The following SDC4 variants were observed in gnomAD, a reference collection of about 807,000 sequenced individuals.
SDC4 encodes the protein syndecan-4.
Under a neutral mutation model 20.5 loss-of-function variants are expected in SDC4, and 17 were observed. That is an observed-to-expected ratio of 0.83 (90% confidence interval 0.57 to 1.25). SDC4 has a LOEUF of 1.25. Ranked by LOEUF, SDC4 falls within the 50% of genes most tolerant of loss-of-function variation. The pLI is 0.00. For missense variants in SDC4, 241 were observed against 252.3 expected, an observed-to-expected ratio of 0.96 and a Z score of 0.30; for synonymous variants, 107 against 105.3, an observed-to-expected ratio of 1.02 and a Z score of -0.10.
intron 4 of SDC4, among the ~76,000 whole-genome samples, chr20:45,329,279 T>C (rs1481010721): frequency 6.6e-6 from 1 of 152,244 alleles, no homozygotes; most frequent in Non-Finnish European, 1.5e-5. Flanking sequence ...TTTCTTACTA[T>C]GTGGCCTAAA....
At chr20:45,345,662 C>T (rs916915696) in intron 1 of SDC4, 1 of 152,212 alleles carries the variant, frequency 6.6e-6, no homozygotes, top group Non-Finnish European at 1.5e-5. Context: ...GGACACTTCC[C>T]CACAACCGCC....
intron 3 of SDC4, 114 bp from the exon 4 acceptor site, chr20:45,330,678 C>A: frequency 1.1e-6 from 1 of 885,116 alleles, no homozygotes; most frequent in East Asian, 2.6e-5. Context: ...TCAGCTGAAC[C>A]ATATGGTCCT....
At chr20:45,335,331 C>G (rs1027083625) in intron 2 of SDC4, among the ~76,000 whole-genome samples, 1 of 152,114 alleles carries the variant, frequency 6.6e-6, no homozygotes, top group African/African-American at 2.4e-5. Flanking sequence ...CAGGTGCATG[C>G]CACCACATCC....
intron 2 of SDC4, among the ~76,000 whole-genome samples, chr20:45,333,945 TAA>T (rs201883299): frequency 2.7e-5 from 3 of 110,236 alleles, no homozygotes; most frequent in Admixed American, 1.0e-4. Context: ...ATTCATTGGT[TAA>T]AAAAAAAAGA....
intron 1 of SDC4, among the ~76,000 whole-genome samples, chr20:45,339,021 T>C (rs1987916636): frequency 6.6e-6 from 1 of 152,148 alleles, no homozygotes; most frequent in Admixed American, 6.5e-5. Context: ...GGAAGCCCCC[T>C]CTCTGCCCTG....
At chr20:45,330,977 T>C (rs1477419654) in intron 3 of SDC4, among the ~76,000 whole-genome samples, 1 of 152,252 alleles carries the variant, frequency 6.6e-6, no homozygotes, top group Non-Finnish European at 1.5e-5. Context: ...GCAGCTCCTC[T>C]GCCTATGAAG....
At chr20:45,342,644 C>T (rs2145716731) in intron 1 of SDC4, among the ~76,000 whole-genome samples, 1 of 150,042 alleles carries the variant, frequency 6.7e-6, no homozygotes, top group Admixed American at 6.6e-5. Flanking sequence ...ATAGGAAGGT[C>T]TGGGCTGAAG....
intron 3 of SDC4, 77 bp downstream of exon 3, chr20:45,332,946 G>T: frequency 1.5e-6 from 2 of 1,338,116 alleles, no homozygotes; most frequent in Non-Finnish European, 2.1e-6. Flanking sequence ...GCCTATGGGG[G>T]CTGTATTTTC....
chr20:45,343,751 C>T (rs777377071), intron 1 of SDC4, among the ~76,000 whole-genome samples: 2 of 152,160 alleles, frequency 1.3e-5, no homozygotes, highest in Non-Finnish European at 2.9e-5. Context: ...AGATAGGACC[C>T]CCTGGCATGA....
At chr20:45,338,836 C>A (rs1398483388) in intron 1 of SDC4, among the ~76,000 whole-genome samples, 2 of 152,196 alleles carry the variant, frequency 1.3e-5, no homozygotes, top group African/African-American at 4.8e-5. Context: ...GGCTCCGCGG[C>A]ACGGCCTGGA....
intron 1 of SDC4, 27 bp from the exon 2 acceptor site, chr20:45,335,947 G>A: frequency 6.2e-7 from 1 of 1,603,800 alleles, no homozygotes; most frequent in Non-Finnish European, 8.5e-7. Flanking sequence ...AGACACATCA[G>A]CCAACATCCC....
intron 1 of SDC4, among the ~76,000 whole-genome samples, chr20:45,341,188 G>A (rs1987947595): frequency 6.6e-6 from 1 of 152,180 alleles, no homozygotes; most frequent in Non-Finnish European, 1.5e-5. Context: ...CCTTCCTCCT[G>A]GCCAGTGGGA....
chr20:45,345,289 CAA>C (rs1005235944), intron 1 of SDC4: 3 of 152,124 alleles, frequency 2.0e-5, no homozygotes, highest in African/African-American at 4.8e-5. Flanking sequence ...TTAATTCCTT[CAA>C]GAGAGAGACC....
intron 2 of SDC4, 92 bp from the exon 3 acceptor site, chr20:45,333,161 C>T (rs1987805387): frequency 8.4e-7 from 1 of 1,186,444 alleles, no homozygotes; most frequent in South Asian, 1.2e-5. Flanking sequence ...ACCTTACAAC[C>T]AGCTTCCAAA....
chr20:45,328,782 A>G (rs1479282256), intron 4 of SDC4, among the ~76,000 whole-genome samples: 2 of 152,210 alleles, frequency 1.3e-5, no homozygotes, highest in Admixed American at 1.3e-4. Context: ...CAGAGGAGTC[A>G]AGCAAGGTTC....
intron 2 of SDC4, among the ~76,000 whole-genome samples, chr20:45,335,273 G>A (rs565125029): frequency 6.6e-6 from 1 of 151,964 alleles, no homozygotes; most frequent in Non-Finnish European, 1.5e-5. Flanking sequence ...AACCTCCTAG[G>A]CTCAAGGGAT....
chr20:45,346,882 A>G (rs1988039518), intron 1 of SDC4, among the ~76,000 whole-genome samples: 1 of 152,236 alleles, frequency 6.6e-6, no homozygotes, highest in Non-Finnish European at 1.5e-5. Flanking sequence ...CACAAAGAGT[A>G]GAAGTTAAGC....
chr20:45,343,355 T>C (rs1035163336), intron 1 of SDC4, among the ~76,000 whole-genome samples: 1 of 152,118 alleles, frequency 6.6e-6, no homozygotes, highest in Non-Finnish European at 1.5e-5. Context: ...AAAGTGCTAT[T>C]TGCAATCACT....
At chr20:45,346,351 A>T (rs185538955) in intron 1 of SDC4, among the ~76,000 whole-genome samples, 1 of 152,290 alleles carries the variant, frequency 6.6e-6, no homozygotes, top group African/African-American at 2.4e-5. Flanking sequence ...TGAGGTCAGG[A>T]TGAGACTTGA....
Sources: gnomAD v4.1 joint callset for allele counts (sites outside exome capture counted in the v4.1 genomes callset) on GRCh38, gnomAD v4.1.1 for gene constraint, MANE v1.5 for transcripts, NCBI Gene and HGNC (gene_info 2026-07-23, HGNC 2026-07-21) for gene names.